Variants in ANXA8 observed in about 807,000 individuals in gnomAD.
The protein encoded by ANXA8 is annexin A8.
ANXA8 carries 9 observed loss-of-function variants against 26.8 expected under a neutral mutation model. The ratio of observed to expected loss-of-function variants is 0.34; its 90% CI spans 0.20 to 0.59. The LOEUF (loss-of-function observed/expected upper bound fraction) is 0.59. ANXA8 is among the 20% of genes least tolerant of loss of function. The pLI, the probability that ANXA8 is intolerant of heterozygous loss-of-function variation, is 0.84. For synonymous variants in ANXA8, 39 were observed against 94.8 expected, an observed-to-expected ratio of 0.41 and a Z score of 3.42; for missense variants, 83 against 238.5, an observed-to-expected ratio of 0.35 and a Z score of 4.29.
chr10:47,632,284 T>G, the ANXA8 span, among the ~76,000 whole-genome samples: 3 of 150,344 alleles, frequency 2.0e-5, no homozygotes, highest in Non-Finnish European at 4.4e-5. Flanking sequence ...CTTTATTGGC[T>G]TCAGATAATT....
the ANXA8 span, among the ~76,000 whole-genome samples, chr10:47,733,185 C>G: frequency 8.8e-6 from 1 of 113,718 alleles, no homozygotes; most frequent in African/African-American, 2.9e-5. Flanking sequence ...TTCTTTCTTT[C>G]TTTCTTTCTT....
chr10:47,701,756 A>G, the ANXA8 span, among the ~76,000 whole-genome samples: 1 of 151,790 alleles, frequency 6.6e-6, no homozygotes, highest in African/African-American at 2.4e-5. Flanking sequence ...GGGGTGGAAG[A>G]AAGTGGGGAA....
the ANXA8 span, among the ~76,000 whole-genome samples, chr10:47,626,806 A>G: frequency 6.7e-6 from 1 of 150,322 alleles, no homozygotes; most frequent in Admixed American, 6.6e-5. Flanking sequence ...GAAGGTAATC[A>G]GAGGAAGGAA....
chr10:47,956,871 T>C, the ANXA8 span, among the ~76,000 whole-genome samples: 2 of 150,228 alleles, frequency 1.3e-5, no homozygotes, highest in Admixed American at 6.6e-5. Flanking sequence ...GAGTATAGCC[T>C]GGGCACCATC....
chr10:47,554,110 A>AAAAAAATAAAT, the ANXA8 span, among the ~76,000 whole-genome samples: 1 of 129,906 alleles, frequency 7.7e-6, no homozygotes, highest in Admixed American at 7.9e-5. Context: ...CATCTCTCAA[A>AAAAAAATAAAT]AAATAAATAA....
chr10:47,493,715 C>A, the ANXA8 span, among the ~76,000 whole-genome samples: 6 of 151,038 alleles, frequency 4.0e-5, no homozygotes, highest in South Asian at 1.2e-3. Flanking sequence ...ACCATGGCCT[C>A]TGGGGACAAC....
chr10:47,958,923 C>A, the ANXA8 span, among the ~76,000 whole-genome samples: 1 of 150,158 alleles, frequency 6.7e-6, no homozygotes, highest in South Asian at 2.1e-4. Flanking sequence ...AACTTTAACA[C>A]GTAGGGATTA....
chr10:47,916,427 C>T, the ANXA8 span, among the ~76,000 whole-genome samples: 1 of 120,920 alleles, frequency 8.3e-6, no homozygotes, highest in African/African-American at 2.7e-5. Context: ...ATTGGTTTAA[C>T]CTGAAATGTC....
the ANXA8 span, among the ~76,000 whole-genome samples, chr10:47,624,559 A>G: frequency 6.0e-5 from 5 of 82,828 alleles, 1 homozygote; most frequent in African/African-American, 2.2e-4. Flanking sequence ...ATCAATATTT[A>G]TAAATCTAGA....
the ANXA8 span, among the ~76,000 whole-genome samples, chr10:47,682,625 A>G: frequency 6.6e-6 from 1 of 151,220 alleles, no homozygotes; most frequent in Non-Finnish European, 1.5e-5. Flanking sequence ...ACATGCCACC[A>G]TGCCTGGCAA....
the ANXA8 span, chr10:47,715,729 G>A: frequency 6.7e-7 from 1 of 1,498,660 alleles, no homozygotes; most frequent in African/African-American, 1.4e-5. Flanking sequence ...ACAACGCCTT[G>A]GTCATCCTGT....
At chr10:47,978,231 A>G in the ANXA8 span, among the ~76,000 whole-genome samples, 1 of 151,776 alleles carries the variant, frequency 6.6e-6, no homozygotes, top group Non-Finnish European at 1.5e-5. Context: ...ATCTTTGAAA[A>G]AAAAGAAGAA....
the ANXA8 span, among the ~76,000 whole-genome samples, chr10:47,646,393 A>G: frequency 6.5e-4 from 93 of 143,768 alleles, no homozygotes; most frequent in African/African-American, 2.4e-3. Flanking sequence ...CTAAATGTAG[A>G]TTATACATTT....
the ANXA8 span, among the ~76,000 whole-genome samples, chr10:47,938,234 T>TTTTAAGG: frequency 1.6e-4 from 1 of 6,126 alleles, no homozygotes; most frequent in Non-Finnish European, 3.2e-4. Flanking sequence ...AATAGAGTAA[T>TTTTAAGG]TTTAAGGCCC....
At chr10:47,663,875 G>C in the ANXA8 span, among the ~76,000 whole-genome samples, 3 of 147,896 alleles carry the variant, frequency 2.0e-5, no homozygotes, top group East Asian at 5.8e-4. Context: ...AAAGCTTGAA[G>C]TGAACTCTGG....
At chr10:47,521,403 C>G in the ANXA8 span, among the ~76,000 whole-genome samples, 2 of 140,034 alleles carry the variant, frequency 1.4e-5, no homozygotes, top group African/African-American at 2.7e-5. Flanking sequence ...CCTTAAATAT[C>G]TTGAAATGTG....
the ANXA8 span, among the ~76,000 whole-genome samples, chr10:47,739,924 C>G: frequency 8.2e-6 from 1 of 122,160 alleles, no homozygotes; most frequent in Non-Finnish European, 1.7e-5. Flanking sequence ...AAGATCTTGT[C>G]TCTATAAAAC....
the ANXA8 span, among the ~76,000 whole-genome samples, chr10:47,686,375 T>G: frequency 6.6e-6 from 1 of 151,534 alleles, no homozygotes; most frequent in Admixed American, 6.6e-5. Flanking sequence ...CGTGCCACCA[T>G]ACCTGGCTAA....
At chr10:47,675,737 G>T in the ANXA8 span, among the ~76,000 whole-genome samples, 1 of 151,766 alleles carries the variant, frequency 6.6e-6, no homozygotes, top group Admixed American at 6.6e-5. Context: ...AGAAAAGCAA[G>T]AAAATGTGAC....
Sources: gnomAD v4.1 joint callset for allele counts (sites outside exome capture counted in the v4.1 genomes callset) on GRCh38, gnomAD v4.1.1 for gene constraint, MANE v1.5 for transcripts, NCBI Gene and HGNC (gene_info 2026-07-23, HGNC 2026-07-21) for gene names.